Variants in RANBP17 observed in about 807,000 individuals in gnomAD.
RANBP17 encodes the protein RAN binding protein 17, also known as ran-binding protein 17.
Under a neutral mutation model 141.2 loss-of-function variants are expected in RANBP17, and 158 were observed. The ratio of observed to expected loss-of-function variants is 1.12; its 90% CI spans 0.98 to 1.28. The LOEUF is 1.28. RANBP17 is among the 50% of genes most tolerant of loss of function. The pLI, the probability that RANBP17 is intolerant of heterozygous loss-of-function variation, is 0.00. For missense variants in RANBP17, 1,438 were observed against 1,290.7 expected, an observed-to-expected ratio of 1.11 and a Z score of -1.75; for synonymous variants, 430 against 450.0, an observed-to-expected ratio of 0.96 and a Z score of 0.56.
At chr5:171,119,042 T>G (rs1395575378) in intron 14 of RANBP17, among the ~76,000 whole-genome samples, 1 of 152,212 alleles carries the variant, frequency 6.6e-6, no homozygotes, top group Non-Finnish European at 1.5e-5. Flanking sequence ...CTCAGTATAA[T>G]GTTAGCTGTG....
At chr5:171,252,546 G>A in intron 24 of RANBP17, 1 of 1,405,218 alleles carries the variant, frequency 7.1e-7, no homozygotes, top group South Asian at 1.2e-5. Context: ...CACACAAACG[G>A]AGGAAAGTTT....
chr5:170,978,246 G>A (rs551169571), intron 14 of RANBP17, among the ~76,000 whole-genome samples: 2 of 152,204 alleles, frequency 1.3e-5, no homozygotes, highest in African/African-American at 4.8e-5. Context: ...AACATTTGTT[G>A]CTGGTGGCAG....
At chr5:170,963,646 A>G (rs1776304293) in intron 13 of RANBP17, among the ~76,000 whole-genome samples, 1 of 152,192 alleles carries the variant, frequency 6.6e-6, no homozygotes, top group African/African-American at 2.4e-5. Context: ...CACAGTTCAC[A>G]GTAGGGTTTG....
chr5:170,964,523 A>G (rs560346795), intron 13 of RANBP17, among the ~76,000 whole-genome samples: 196 of 151,754 alleles, frequency 1.3e-3, no homozygotes, highest in African/African-American at 4.5e-3. Context: ...CATTAGGTGT[A>G]TCTCCTAATG....
intron 14 of RANBP17, among the ~76,000 whole-genome samples, chr5:171,016,650 A>G (rs1780454092): frequency 6.6e-6 from 1 of 151,908 alleles, no homozygotes. Context: ...CGTCATTTAC[A>G]TTAGGTATTG....
chr5:171,147,404 T>TTG lies in RANBP17; in HGVS notation c.1711-22725_1711-22724insGT, dbSNP rs1302158693. 1.7e-4 allele frequency among the ~76,000 whole-genome samples: 25 copies of TTG among 147,890 alleles called. 1 individual carries two copies. Among genetic ancestry groups the TTG allele is most frequent in the African/African-American group, 5.9e-4 (24 of 40,460 alleles). On this transcript the variant is annotated intron_variant, in intron 14 of 27. Coordinates refer to ENST00000523189, the MANE Select transcript of RANBP17 (RefSeq NM_022897.5). ...GTGGTTGTTTGTTTTTTTGTGTGTT[T>TTG]TTTTTTTTTTTGGTTTTGTTTTTTG...
intron 21 of RANBP17, among the ~76,000 whole-genome samples, chr5:171,216,884 T>G (rs1351031279): frequency 2.6e-5 from 4 of 152,220 alleles, no homozygotes; most frequent in Non-Finnish European, 4.4e-5. Context: ...CCTGTCTTCC[T>G]ATCTGAATAA....
rs1477685574 is a variant in RANBP17 at position 171,183,398 on chromosome 5, C to T, written c.2006C>T (p.Thr669Ile). 6.2e-7 allele frequency: 1 copy of T among 1,613,822 alleles called. No homozygotes were observed. Among genetic ancestry groups the T allele is most frequent in the East Asian group, 2.2e-5 (1 of 44,864 alleles). The change falls in exon 18 of 28, where the codon ACA becomes ATA. Residue 669 changes from threonine to isoleucine, a missense_variant. By Grantham distance (89) the Thr-to-Ile change is moderately conservative (BLOSUM62 -1). Coordinates refer to ENST00000523189, the MANE Select transcript of RANBP17 (RefSeq NM_022897.5). ...TTCAGGTGTCGAACAACCTTCTACA[C>T]AGCGCTCACTCGCCTTCTGATGGTA... ...SDFRCRTTFY[T>I]ALTRLLMVDL...
chr5:171,156,201 A>G (rs1174301629), intron 14 of RANBP17, among the ~76,000 whole-genome samples: 1 of 152,140 alleles, frequency 6.6e-6, no homozygotes, highest in African/African-American at 2.4e-5. Context: ...ATTAAGAATC[A>G]GAATTGGCAC....
chr5:171,108,506 C>T (rs1386202592), intron 14 of RANBP17, among the ~76,000 whole-genome samples: 1 of 152,058 alleles, frequency 6.6e-6, no homozygotes, highest in Non-Finnish European at 1.5e-5. Context: ...TCAAACTCCT[C>T]GGTTCAAGCC....
chr5:171,261,867 T>C (rs1380927153), intron 24 of RANBP17, among the ~76,000 whole-genome samples: 1 of 152,214 alleles, frequency 6.6e-6, no homozygotes, highest in African/African-American at 2.4e-5. Context: ...AGTTAACACA[T>C]AGTCTTCAGC....
intron 14 of RANBP17, among the ~76,000 whole-genome samples, chr5:171,057,683 T>G (rs563424830): frequency 4.6e-5 from 7 of 152,314 alleles, no homozygotes; most frequent in African/African-American, 1.7e-4. Flanking sequence ...TTTACAGTTT[T>G]CTGTTGCTGG....
At chr5:171,083,467 C>G (rs1253413153) in intron 14 of RANBP17, among the ~76,000 whole-genome samples, 2 of 152,182 alleles carry the variant, frequency 1.3e-5, no homozygotes, top group Non-Finnish European at 2.9e-5. Flanking sequence ...TCTGTTGTTT[C>G]TAAGCCACCT....
chr5:171,275,745 AC>A (rs1371896102), intron 25 of RANBP17, among the ~76,000 whole-genome samples: 13 of 152,326 alleles, frequency 8.5e-5, no homozygotes, highest in African/African-American at 3.1e-4. Context: ...GACATGGAAT[AC>A]TCAAAAGTCA....
intron 5 of RANBP17, chr5:170,897,014 C>A: frequency 9.1e-7 from 1 of 1,099,174 alleles, no homozygotes; most frequent in Non-Finnish European, 1.4e-6. Context: ...AGGGAGCACG[C>A]CGCGGTCAGC....
At position 171,221,853 on chromosome 5, in the gene RANBP17, T is replaced by C. The variant is rs763668703; in HGVS notation, c.2422+13T>C. The C allele has an allele frequency of 2.1e-6, 3 of 1,430,032 alleles. No individual in the cohort carries two copies. Among genetic ancestry groups the C allele is most frequent in the Non-Finnish European group, 3.0e-6 (3 of 1,015,436 alleles). The allele number at this position is 1,430,032 out of a possible 1,614,324, so 88.6% of individuals were successfully genotyped here. ...GTTTGCACTTATGGTGAGTGTCCTTTTCCATATGTGCCTCTGCAATATAGT... is the reference window on the plus strand; with the variant it reads ...GTTTGCACTTATGGTGAGTGTCCTTCTCCATATGTGCCTCTGCAATATAGT... On this transcript the variant is annotated intron_variant, in intron 22 of 27. Transcript: ENST00000523189.
chr5:170,887,794 G>A (rs1193224213), intron 3 of RANBP17, among the ~76,000 whole-genome samples: 1 of 152,134 alleles, frequency 6.6e-6, no homozygotes, highest in Non-Finnish European at 1.5e-5. Flanking sequence ...ATCTGGTGAG[G>A]GCCGTCTTGG....
intron 23 of RANBP17, among the ~76,000 whole-genome samples, chr5:171,241,401 C>G (rs1339238407): frequency 6.6e-6 from 1 of 151,050 alleles, no homozygotes; most frequent in African/African-American, 2.4e-5. Flanking sequence ...CCAAATCATG[C>G]TTAGGCTTAG....
intron 14 of RANBP17, among the ~76,000 whole-genome samples, chr5:171,167,400 C>T (rs567936812): frequency 2.0e-5 from 3 of 151,874 alleles, no homozygotes; most frequent in Admixed American, 6.6e-5. Context: ...TTTGATTTTA[C>T]GAAAGTCCAC....
Sources: gnomAD v4.1 joint callset for allele counts (sites outside exome capture counted in the v4.1 genomes callset) on GRCh38, gnomAD v4.1.1 for gene constraint, MANE v1.5 for transcripts, NCBI Gene and HGNC (gene_info 2026-07-23, HGNC 2026-07-21) for gene names.